The following ITPR1 variants were observed in gnomAD, a reference collection of about 807,000 sequenced individuals.
The protein encoded by ITPR1 is inositol 1,4,5-trisphosphate-gated calcium channel ITPR1.
In ITPR1, 96 loss-of-function variants were observed where a neutral mutation model predicts 318.4. The observed-to-expected ratio is 0.30, with a 90% CI of 0.26 to 0.36. The LOEUF is 0.36. Among genes scored for constraint, ITPR1 ranks in the 10% least tolerant of loss-of-function variants. ITPR1 has a pLI of 1.00. For synonymous variants in ITPR1, 1,312 were observed against 1,289.9 expected, an observed-to-expected ratio of 1.02 and a Z score of -0.37; for missense variants, 2,440 against 3,460.2, an observed-to-expected ratio of 0.71 and a Z score of 7.40.
At chr3:4,681,624 A>AGTGTGTGTGTGTGTGTGTGTGTGT (rs10665371) in intron 26 of ITPR1, among the ~76,000 whole-genome samples, 31 of 145,782 alleles carry the variant, frequency 2.1e-4, no homozygotes, top group African/African-American at 7.4e-4. Flanking sequence ...AGAGAGAGAA[A>AGTGTGTGTGTGTGTGTGTGTGTGT]GTGTGTGTGT....
intron 54 of ITPR1, among the ~76,000 whole-genome samples, chr3:4,805,059 C>T (rs2048473579): frequency 1.3e-5 from 2 of 152,180 alleles, no homozygotes; most frequent in South Asian, 4.1e-4. Context: ...CTATATTGCA[C>T]AGTAGTTCAG....
intron 32 of ITPR1, among the ~76,000 whole-genome samples, chr3:4,692,009 C>G (rs1201944964): frequency 6.6e-6 from 1 of 152,072 alleles, no homozygotes; most frequent in East Asian, 1.9e-4. Flanking sequence ...TAAAAATTAG[C>G]TGGGTGTAGT....
chr3:4,717,477 C>T (rs974221927), intron 40 of ITPR1, 78 bp downstream of exon 40: 1 of 1,151,944 alleles, frequency 8.7e-7, no homozygotes, highest in Non-Finnish European at 1.3e-6. Flanking sequence ...GCCCTGTGAT[C>T]CTTCCTCTAG....
chr3:4,683,785 A>T lies in ITPR1; in HGVS notation c.3485A>T (p.His1162Leu). ...GATGGTGCATCTGGAGAAAATGAAC[A>T]TAAGAAAACGGAGGTGAGTGAAACA... ...TMDGASGENE[H>L]KKTEEGNNKP... Residue 1162 changes from histidine to leucine, a missense_variant, in exon 28 of 62, where the codon CAT becomes CTT. Around this residue, in one of 23 missense-constraint regions of ITPR1, gnomAD observed 86 missense variants for 75.6 expected, o/e 1.14. Coordinates refer to ENST00000649015, the MANE Select transcript of ITPR1 (RefSeq NM_001378452.1). The T allele has an allele frequency of 6.2e-7, 1 of 1,613,704 alleles. No homozygotes were observed. Among genetic ancestry groups the T allele is most frequent in the Admixed American group, 1.7e-5 (1 of 59,998 alleles).
intron 2 of ITPR1, among the ~76,000 whole-genome samples, chr3:4,501,815 C>A (rs910957449): frequency 3.3e-5 from 5 of 152,240 alleles, no homozygotes; most frequent in African/African-American, 1.2e-4. Flanking sequence ...ACATGTACCC[C>A]TACTTAGAGT....
At chr3:4,502,110 A>T (rs1299224490) in intron 2 of ITPR1, among the ~76,000 whole-genome samples, 3 of 152,220 alleles carry the variant, frequency 2.0e-5, no homozygotes, top group Non-Finnish European at 4.4e-5. Context: ...CGACACCCAG[A>T]CGACGGACAT....
chr3:4,818,638 G>A (rs1355457698), intron 60 of ITPR1, among the ~76,000 whole-genome samples: 2 of 152,048 alleles, frequency 1.3e-5, no homozygotes, highest in African/African-American at 2.4e-5. Flanking sequence ...AGGTGTCTTA[G>A]AGGCAAAGTG....
chr3:4,521,205 AT>A (rs1174197347), intron 4 of ITPR1, 111 bp downstream of exon 4: 1 of 692,214 alleles, frequency 1.4e-6, no homozygotes, highest in African/African-American at 1.8e-5. Context: ...TTTATTATGT[AT>A]TTTTTTCAGA....
At chr3:4,586,618 T>G (rs953077896) in intron 4 of ITPR1, among the ~76,000 whole-genome samples, 1 of 148,864 alleles carries the variant, frequency 6.7e-6, no homozygotes, top group African/African-American at 2.5e-5. Flanking sequence ...CAAGCCATCC[T>G]CCCACCTCAG....
At chr3:4,714,899 A>AGTTT (rs762785374) in intron 39 of ITPR1, among the ~76,000 whole-genome samples, 107 of 152,274 alleles carry the variant, frequency 7.0e-4, no homozygotes, top group Non-Finnish European at 1.3e-3. Flanking sequence ...AACATGATAG[A>AGTTT]ATCACTGTAA....
chr3:4,668,609 A>T (rs1358697030), intron 18 of ITPR1, among the ~76,000 whole-genome samples: 6 of 152,144 alleles, frequency 3.9e-5, no homozygotes, highest in Admixed American at 3.9e-4. Context: ...CTGCGACTAC[A>T]GGCACGTGCC....
chr3:4,561,537 AACTT>A (rs2086674959), intron 4 of ITPR1, among the ~76,000 whole-genome samples: 1 of 152,198 alleles, frequency 6.6e-6, no homozygotes, highest in Non-Finnish European at 1.5e-5. Flanking sequence ...TCTAGGTTCA[AACTT>A]ACTTTTTTGG....
chr3:4,754,931 C>T (rs1435720638), intron 44 of ITPR1, among the ~76,000 whole-genome samples: 1 of 152,330 alleles, frequency 6.6e-6, no homozygotes, highest in Middle Eastern at 3.4e-3. Context: ...AAGAGACAGA[C>T]GGCTGTGCCG....
chr3:4,777,553 G>A (rs965480119), intron 48 of ITPR1, among the ~76,000 whole-genome samples, 179 bp downstream of exon 48: 15 of 152,186 alleles, frequency 9.9e-5, no homozygotes, highest in African/African-American at 4.8e-5. Flanking sequence ...TCTCTTCCAC[G>A]TAAGGTATCT....
At chr3:4,531,776 A>G (rs759089402) in intron 4 of ITPR1, among the ~76,000 whole-genome samples, 4 of 151,968 alleles carry the variant, frequency 2.6e-5, no homozygotes, top group Non-Finnish European at 4.4e-5. Flanking sequence ...TCTAATGCCC[A>G]CTCAACCTTC....
rs140745785 is a variant in ITPR1 at position 4,626,778 on chromosome 3, A to G, written c.164-985A>G. ...AAGGTCATCTTGCACACAGTACTCAAGAGACCACTGCCCTAGGAGAGCCCT... is the reference window on the plus strand; with the variant it reads ...AAGGTCATCTTGCACACAGTACTCAGGAGACCACTGCCCTAGGAGAGCCCT... On this transcript the variant is annotated intron_variant, in intron 4 of 61. Transcript: ENST00000649015. Among the ~76,000 whole-genome samples the G allele has an allele frequency of 5.8e-4, 89 of 152,262 alleles. 1 individual carries two copies. Among genetic ancestry groups the G allele is most frequent in the African/African-American group, 1.9e-3 (79 of 41,534 alleles).
At chr3:4,841,006 G>T (rs969099851) in intron 61 of ITPR1, among the ~76,000 whole-genome samples, 1 of 152,064 alleles carries the variant, frequency 6.6e-6, no homozygotes, top group Non-Finnish European at 1.5e-5. Flanking sequence ...ATACAAGAGG[G>T]TTATCTTGCT....
chr3:4,563,901 G>A (rs540035755), intron 4 of ITPR1, among the ~76,000 whole-genome samples: 62 of 151,932 alleles, frequency 4.1e-4, no homozygotes, highest in African/African-American at 1.3e-3. Context: ...GAAATTTATT[G>A]TCTCACCTAA....
At chr3:4,649,067 A>C (rs1453922489) in intron 10 of ITPR1, among the ~76,000 whole-genome samples, 3 of 152,154 alleles carry the variant, frequency 2.0e-5, no homozygotes, top group Non-Finnish European at 1.5e-5. Flanking sequence ...ACCACTTCTC[A>C]TGTGTAATTT....
Sources: gnomAD v4.1 joint callset for allele counts (sites outside exome capture counted in the v4.1 genomes callset) on GRCh38, gnomAD v4.1.1 for gene constraint, gnomAD v4.1.1 regional missense constraint, MANE v1.5 for transcripts, NCBI Gene and HGNC (gene_info 2026-07-23, HGNC 2026-07-21) for gene names.